Variants in EYA4 observed in about 807,000 individuals in gnomAD.
The protein encoded by EYA4 is protein phosphatase EYA4.
Under a neutral mutation model 87.9 loss-of-function variants are expected in EYA4, and 31 were observed. The ratio of observed to expected loss-of-function variants is 0.35; its 90% CI spans 0.27 to 0.48. The LOEUF (loss-of-function observed/expected upper bound fraction) is 0.48, where lower values mean the gene tolerates loss of function less well. Among genes scored for constraint, EYA4 ranks in the 20% least tolerant of loss-of-function variants. The pLI, the probability that EYA4 is intolerant of heterozygous loss-of-function variation, is 0.99. For missense variants in EYA4, 678 were observed against 761.4 expected (o/e 0.89, Z 1.29); for synonymous variants, 263 against 270.6 (o/e 0.97, Z 0.28).
chr6:133,530,394 T>C lies in EYA4; in HGVS notation c.*1589T>C. On this transcript the variant is annotated 3_prime_UTR_variant, in exon 20 of 20. Transcript: ENST00000355286. ...ACACGATACAGGTTCTCCTCTTATT[T>C]CCTATGACACGATTTCCCTTGTGGA... is the stretch of plus-strand genomic sequence containing the variant. 1.0e-6 allele frequency: 1 copy of C among 985,386 alleles called. No individual in the cohort carries two copies. Among genetic ancestry groups the C allele is most frequent in the Non-Finnish European group, 1.2e-6 (1 of 829,902 alleles). The allele number at this position is 985,386 out of a possible 1,614,324, so 61.0% of individuals were successfully genotyped here. A position where few individuals can be genotyped will look rare whatever the true frequency, so the allele number is the denominator to read the frequency against.
chr6:133,466,332 A>G (rs770171441), intron 10 of EYA4, among the ~76,000 whole-genome samples: 1 of 152,172 alleles, frequency 6.6e-6, no homozygotes, highest in Non-Finnish European at 1.5e-5. Context: ...TGAAGATTTA[A>G]ATATAGTGGA....
intron 1 of EYA4, among the ~76,000 whole-genome samples, chr6:133,250,182 G>T (rs1468445144): frequency 1.3e-5 from 2 of 152,116 alleles, no homozygotes; most frequent in Non-Finnish European, 2.9e-5. Flanking sequence ...CCAGGCTTAG[G>T]TTATATGTAT....
intron 2 of EYA4, among the ~76,000 whole-genome samples, chr6:133,331,825 G>T (rs1181884569): frequency 6.6e-6 from 1 of 152,324 alleles, no homozygotes; most frequent in East Asian, 1.9e-4. Context: ...TAATTTGGGG[G>T]TAAATTCCTA....
intron 1 of EYA4, among the ~76,000 whole-genome samples, chr6:133,251,805 T>A (rs1356965119): frequency 1.3e-5 from 2 of 152,142 alleles, no homozygotes; most frequent in Non-Finnish European, 2.9e-5. Flanking sequence ...CCTAAGCAGA[T>A]CTTAATATCA....
intron 13 of EYA4, among the ~76,000 whole-genome samples, chr6:133,495,608 T>C (rs540012518): frequency 3.3e-5 from 5 of 152,218 alleles, no homozygotes; most frequent in Non-Finnish European, 7.4e-5. Context: ...TTGTCTGCTA[T>C]GCAGAGAATA....
chr6:133,507,581 T>C (rs1044773877), intron 14 of EYA4, among the ~76,000 whole-genome samples: 2 of 152,148 alleles, frequency 1.3e-5, no homozygotes, highest in Non-Finnish European at 2.9e-5. Flanking sequence ...TGTGTCCATG[T>C]GTTCTCATTA....
intron 17 of EYA4, among the ~76,000 whole-genome samples, chr6:133,522,013 C>G (rs7453259): frequency 1.5e-5 from 2 of 129,304 alleles, no homozygotes; most frequent in East Asian, 2.5e-4. Flanking sequence ...ATACCTAATG[C>G]TAGATGACGA....
intron 16 of EYA4, among the ~76,000 whole-genome samples, chr6:133,513,986 A>G (rs562271446): frequency 2.0e-5 from 3 of 152,296 alleles, no homozygotes; most frequent in East Asian, 1.9e-4. Flanking sequence ...ATCCATATAC[A>G]TCATGAGGGT....
At chr6:133,466,046 G>T (rs1794809722) in intron 10 of EYA4, among the ~76,000 whole-genome samples, 1 of 152,030 alleles carries the variant, frequency 6.6e-6, no homozygotes, top group South Asian at 2.1e-4. Flanking sequence ...CTATATGTTA[G>T]ATTTTTGGCT....
At chr6:133,362,228 A>G (rs1784501359) in intron 2 of EYA4, among the ~76,000 whole-genome samples, 1 of 152,068 alleles carries the variant, frequency 6.6e-6, no homozygotes, top group African/African-American at 2.4e-5. Context: ...GGAGACTTAG[A>G]ATTTCTTAGA....
At position 133,468,507 on chromosome 6, in the gene EYA4, G is replaced by A. The variant is rs535519738; in HGVS notation, c.805-59G>A. On this transcript the variant is annotated intron_variant, in intron 10 of 19. Coordinates refer to ENST00000355286, the MANE Select transcript of EYA4 (RefSeq NM_004100.5). ...AGTTACCATAATGACTGGTTTTCTT[G>A]GGAGAGTATTAAAGAGTAATTTCTC... The A allele has an allele frequency of 2.2e-6, 3 of 1,359,918 alleles. No homozygotes were observed. The Admixed American group carries it at 5.0e-5, about 23-fold the overall frequency. 84.2% of individuals were successfully genotyped at this position (1,359,918 alleles called of 1,614,324 possible). A position where few individuals can be genotyped will look rare whatever the true frequency, so the allele number is the denominator to read the frequency against.
chr6:133,495,594 A>G (rs1247910142), intron 13 of EYA4, among the ~76,000 whole-genome samples: 1 of 152,062 alleles, frequency 6.6e-6, no homozygotes, highest in Non-Finnish European at 1.5e-5. Flanking sequence ...TTTTAGGTTT[A>G]TTATTGTCTG....
chr6:133,495,152 C>T (rs1797529586), intron 13 of EYA4, among the ~76,000 whole-genome samples: 1 of 151,576 alleles, frequency 6.6e-6, no homozygotes. Context: ...ACCTGTAATG[C>T]CAGCTACTCA....
In EYA4 at chr6:133,296,244, G is replaced by T. The variant is rs114835277; in HGVS notation, c.33+21431G>T. ...AAGCAGAGTGAGTGTTGGGGAGAGA[G>T]TAGAGCACAAGGTCCAAGAGGTGGT... On this transcript the variant is annotated intron_variant, in intron 2 of 19. Coordinates refer to ENST00000355286, the MANE Select transcript of EYA4 (RefSeq NM_004100.5). Among the ~76,000 whole-genome samples, 820 of 152,336 alleles carry T rather than the reference G, an allele frequency of 5.4e-3. 8 individuals carry two copies. Among genetic ancestry groups the T allele is most frequent in the African/African-American group, 0.018 (728 of 41,564 alleles).
At position 133,262,186 on chromosome 6, in the gene EYA4, A is replaced by G. The variant is rs79252574; in HGVS notation, c.-65-12530A>G. Among the ~76,000 whole-genome samples the G allele has an allele frequency of 3.8e-3, 577 of 152,342 alleles. 1 individual carries two copies. The highest frequency in any genetic ancestry group is 6.8e-3 in the Non-Finnish European group (463 of 68,032). On this transcript the variant is annotated intron_variant, in intron 1 of 19. Coordinates refer to ENST00000355286, the MANE Select transcript of EYA4 (RefSeq NM_004100.5). ...AGTCATCAGATGTGTGTTAAGCAAT[A>G]TATATAGTCATATACTCTTGATCAA...
At chr6:133,486,558 AC>A (rs1324473973) in intron 13 of EYA4, among the ~76,000 whole-genome samples, 2 of 146,792 alleles carry the variant, frequency 1.4e-5, no homozygotes, top group East Asian at 4.0e-4. Flanking sequence ...ACAAAACAAA[AC>A]AAAAAAAAAC....
chr6:133,241,407 G>C lies in EYA4; in HGVS notation c.-408G>C, dbSNP rs886061085. The C allele has an allele frequency of 6.6e-6, 1 of 152,320 alleles. No homozygotes were observed. The allele number at this position is 152,320 out of a possible 1,614,324, so 9.4% of individuals were successfully genotyped here. A position where few individuals can be genotyped will look rare whatever the true frequency, so the allele number is the denominator to read the frequency against. On this transcript the variant is annotated 5_prime_UTR_variant, in exon 1 of 20. Transcript: ENST00000355286. ...AAGTTGTCGCTGCCTTAGAGAGGGG[G>C]AAAGAGCTGCGGGAAAAGCCGGGGA...
chr6:133,461,287 T>C, intron 7 of EYA4, 107 bp downstream of exon 7: 1 of 849,908 alleles, frequency 1.2e-6, no homozygotes, highest in Non-Finnish European at 2.0e-6. Flanking sequence ...TAGATAAATA[T>C]CCTGTACAAA....
Position 133,506,572 on chromosome 6 carries a change from G to T in EYA4, c.1281+377G>T, listed in dbSNP as rs115135667. 8.0e-4 allele frequency among the ~76,000 whole-genome samples: 122 copies of T among 152,264 alleles called. 1 individual carries two copies. The highest frequency in any genetic ancestry group is 2.8e-3 in the African/African-American group (116 of 41,550). On this transcript the variant is annotated intron_variant, in intron 14 of 19. Coordinates refer to ENST00000355286, the MANE Select transcript of EYA4 (RefSeq NM_004100.5). ...AGACACTATTCATGGTGATAGCGTGGATCAATTAATTTTGTGGATAATCTG... is the reference window on the plus strand; with the variant it reads ...AGACACTATTCATGGTGATAGCGTGTATCAATTAATTTTGTGGATAATCTG...
Sources: allele counts gnomAD v4.1 joint callset (sites outside exome capture counted in the v4.1 genomes callset), GRCh38; gene constraint gnomAD v4.1.1; transcripts MANE v1.5; gene names NCBI Gene and HGNC (gene_info 2026-07-23, HGNC 2026-07-21).